The following GABRB2 variants were observed in gnomAD, a reference collection of about 807,000 sequenced individuals.
The protein encoded by GABRB2 is gamma-aminobutyric acid type A receptor subunit beta2, also known as gamma-aminobutyric acid receptor subunit beta-2.
Under a neutral mutation model 54.7 loss-of-function variants are expected in GABRB2, and 16 were observed. That is an observed-to-expected ratio of 0.29 (90% CI 0.20 to 0.44). GABRB2 has a LOEUF of 0.44. Ranked by LOEUF, GABRB2 falls within the 20% of genes least tolerant of loss-of-function variation. The pLI is 1.00. For synonymous variants in GABRB2, 244 were observed against 233.8 expected (o/e 1.04, Z -0.40); for missense variants, 355 against 644.0 (o/e 0.55, Z 4.86).
At chr5:161,363,554 T>C (rs974905023) in intron 5 of GABRB2, among the ~76,000 whole-genome samples, 7 of 151,862 alleles carry the variant, frequency 4.6e-5, no homozygotes, top group Non-Finnish European at 8.8e-5. Flanking sequence ...TTAAAAAAAT[T>C]AGCTGAGCAT....
intron 3 of GABRB2, among the ~76,000 whole-genome samples, chr5:161,524,823 T>C (rs1581058015): frequency 6.6e-6 from 1 of 151,346 alleles, no homozygotes; most frequent in African/African-American, 2.4e-5. Flanking sequence ...TTCCATAACA[T>C]GATTTTTTCC....
upstream of GABRB2, chr5:161,546,888 C>T (rs1250873023): frequency 6.0e-6 from 4 of 662,680 alleles, no homozygotes; most frequent in East Asian, 1.5e-4. Flanking sequence ...AGAAAAGTCA[C>T]CCCACAGCAG....
intron 3 of GABRB2, among the ~76,000 whole-genome samples, chr5:161,526,203 G>A (rs1447075829): frequency 1.3e-5 from 2 of 151,432 alleles, no homozygotes; most frequent in Non-Finnish European, 3.0e-5. Context: ...GGATCAACAT[G>A]ATAATAAAAA....
At chr5:161,482,071 A>G (rs1392315739) in intron 3 of GABRB2, among the ~76,000 whole-genome samples, 4 of 152,014 alleles carry the variant, frequency 2.6e-5, no homozygotes, top group Non-Finnish European at 5.9e-5. Flanking sequence ...ACCCTAGTGC[A>G]TGGGATTCCC....
At chr5:161,436,875 C>A (rs1408781008) in intron 4 of GABRB2, among the ~76,000 whole-genome samples, 1 of 152,032 alleles carries the variant, frequency 6.6e-6, no homozygotes, top group Non-Finnish European at 1.5e-5. Flanking sequence ...CAGTGCTGTC[C>A]TGTTAGAATA....
rs1052766795 is a variant in GABRB2 at position 161,291,319 on chromosome 5, A to G, written c.*2762T>C. ...TAGTAATCCCATATCAGAACTACTA[A>G]ACACACCTTTGTGGTCCTTTAGTTT... On this transcript the variant is annotated 3_prime_UTR_variant, in exon 10 of 10. Coordinates refer to ENST00000393959, the MANE Select transcript of GABRB2 (RefSeq NM_001371727.1). 2 of 152,176 alleles carry G rather than the reference A, an allele frequency of 1.3e-5. No individual in the cohort carries two copies. Among genetic ancestry groups the G allele is most frequent in the Non-Finnish European group, 2.9e-5 (2 of 68,012 alleles). The allele number at this position is 152,176 out of a possible 1,614,324, so 9.4% of individuals were successfully genotyped here.
intron 3 of GABRB2, among the ~76,000 whole-genome samples, chr5:161,489,959 T>C (rs1334889985): frequency 2.6e-5 from 4 of 151,690 alleles, no homozygotes; most frequent in Admixed American, 2.6e-4. Context: ...AAATTGTGGA[T>C]CAGGGGATAC....
intron 3 of GABRB2, among the ~76,000 whole-genome samples, chr5:161,518,357 C>T (rs983633610): frequency 1.3e-5 from 2 of 152,160 alleles, no homozygotes; most frequent in African/African-American, 4.8e-5. Context: ...GTGGAGGCCT[C>T]ATACAGACCT....
intron 1 of GABRB2, 49 bp from the exon 2 acceptor site, chr5:161,546,462 A>T: frequency 6.3e-7 from 1 of 1,582,038 alleles, no homozygotes; most frequent in East Asian, 2.2e-5. Flanking sequence ...AAGCAGGCAT[A>T]GCGTTTTCAG....
intron 3 of GABRB2, among the ~76,000 whole-genome samples, chr5:161,513,548 AT>A (rs1759841423): frequency 2.0e-5 from 3 of 152,224 alleles, no homozygotes; most frequent in East Asian, 3.9e-4. Context: ...CAAATACTGT[AT>A]ATTATCATTT....
At chr5:161,373,150 C>T (rs560230392) in intron 5 of GABRB2, among the ~76,000 whole-genome samples, 1 of 152,236 alleles carries the variant, frequency 6.6e-6, no homozygotes, top group Admixed American at 6.5e-5. Flanking sequence ...CATCCAAGTG[C>T]AGTCAACATG....
intron 9 of GABRB2, among the ~76,000 whole-genome samples, chr5:161,294,755 A>C (rs1302760459): frequency 6.6e-6 from 1 of 152,220 alleles, no homozygotes. Flanking sequence ...CTTTTGAAGA[A>C]TTTATAGTCT....
intron 3 of GABRB2, among the ~76,000 whole-genome samples, chr5:161,460,245 C>A (rs2113265544): frequency 6.7e-6 from 1 of 149,958 alleles, no homozygotes; most frequent in Non-Finnish European, 1.5e-5. Context: ...CACAACCGGC[C>A]AAGAAAACAA....
intron 5 of GABRB2, among the ~76,000 whole-genome samples, chr5:161,369,219 C>A (rs890785521): frequency 6.6e-6 from 1 of 152,206 alleles, no homozygotes; most frequent in Non-Finnish European, 1.5e-5. Context: ...ATGCCCAAAT[C>A]TATGCTGTGA....
chr5:161,326,344 T>C (rs770400640), intron 9 of GABRB2, 24 bp downstream of exon 9: 1 of 1,607,616 alleles, frequency 6.2e-7, no homozygotes, highest in South Asian at 1.1e-5. Context: ...TACAAATAAA[T>C]GGATTAAAAA....
chr5:161,440,121 A>G (rs1010808642), intron 4 of GABRB2, among the ~76,000 whole-genome samples: 1 of 151,966 alleles, frequency 6.6e-6, no homozygotes, highest in African/African-American at 2.4e-5. Context: ...AAAAGCAAGA[A>G]ACTAAATCAT....
At chr5:161,477,606 AC>A (rs1223297916) in intron 3 of GABRB2, among the ~76,000 whole-genome samples, 1 of 151,958 alleles carries the variant, frequency 6.6e-6, no homozygotes, top group Non-Finnish European at 1.5e-5. Context: ...GTCAAAACAT[AC>A]AACGGCATGT....
intron 8 of GABRB2, 140 bp from the exon 9 acceptor site, chr5:161,326,621 A>G: frequency 1.9e-6 from 2 of 1,077,834 alleles, no homozygotes; most frequent in Non-Finnish European, 2.5e-6. Context: ...GAGAATGGGA[A>G]TTTGAGTAAG....
chr5:161,357,697 G>A lies in GABRB2; in HGVS notation c.542-20928C>T, dbSNP rs182170755. On this transcript the variant is annotated intron_variant, in intron 5 of 9. Transcript: ENST00000393959. ...AGCTTAGAGCAAGGTGGAAACTAAAGAAATGATGAGAAATGATGGAATTTT... is the reference window on the plus strand; with the variant it reads ...AGCTTAGAGCAAGGTGGAAACTAAAAAAATGATGAGAAATGATGGAATTTT... 2.0e-5 allele frequency among the ~76,000 whole-genome samples: 3 copies of A among 152,086 alleles called. No individual in the cohort carries two copies. The East Asian group carries it at 5.8e-4, about 30-fold the overall frequency.
Sources: allele counts gnomAD v4.1 joint callset (sites outside exome capture counted in the v4.1 genomes callset), GRCh38; gene constraint gnomAD v4.1.1; transcripts MANE v1.5; gene names NCBI Gene and HGNC (gene_info 2026-07-23, HGNC 2026-07-21).